The following EME2 variants were observed in gnomAD, a reference collection of about 807,000 sequenced individuals.
EME2 encodes structure-specific endonuclease subunit EME2.
A neutral mutation model predicts 41.9 loss-of-function variants in EME2; 58 were observed. The ratio of observed to expected loss-of-function variants is 1.38; its 90% CI spans 1.12 to 1.72. The LOEUF is 1.72. Ranked by LOEUF, EME2 falls within the 40% of genes most tolerant of loss-of-function variation. EME2 has a pLI of 0.00. For synonymous variants in EME2, 334 were observed against 239.3 expected (o/e 1.40, Z -3.65); for missense variants, 695 against 541.9 (o/e 1.28, Z -2.81).
At chr16:1,773,509 G>C in intron 1 of EME2, 35 bp downstream of exon 1, 2 of 1,568,616 alleles carry the variant, frequency 1.3e-6, no homozygotes, top group South Asian at 1.1e-5. Flanking sequence ...CTCGGGGTAG[G>C]AAAGGCCTTT....
Position 1,781,100 on chromosome 16 carries a change from C to A in EME2, c.*4862C>A, listed in dbSNP as rs1896689864. The A allele has an allele frequency of 1.5e-6, 2 of 1,363,064 alleles. No homozygotes were observed. Among genetic ancestry groups the A allele is most frequent in the Non-Finnish European group, 2.0e-6 (2 of 1,019,612 alleles). The allele number at this position is 1,363,064 out of a possible 1,614,324, so 84.4% of individuals were successfully genotyped here. A position where few individuals can be genotyped will look rare whatever the true frequency, so the allele number is the denominator to read the frequency against. ...CAACCTCTCCATGCACCATGTGTTT[C>A]AGAGGAGAAAGCACAGTGAAGAATG... On this transcript the variant is annotated 3_prime_UTR_variant, in exon 8 of 8. Coordinates refer to ENST00000568449, the MANE Select transcript of EME2 (RefSeq NM_001257370.2).
rs1223193210 is a variant in EME2 at position 1,775,082 on chromosome 16, G to C, written c.519G>C (p.Glu173Asp). Residue 173 changes from glutamate (E) to aspartate (D), a missense_variant, in exon 4 of 8, where the codon GAG becomes GAC. Glu to Asp is a conservative substitution (Grantham distance 45). Transcript: ENST00000568449. ...ACTGGGTGCCCTGGATCTCCCCCGA[G>C]ACCACCGCCCGGCCCCACCTGGCTG... Reference protein sequence around the residue: ...PTHWVPWISPETTARPHLAVI... With the variant: ...PTHWVPWISPDTTARPHLAVI... The C allele has an allele frequency of 9.9e-6, 16 of 1,610,864 alleles. No homozygotes were observed. The Admixed American group carries it at 2.7e-4, about 27-fold the overall frequency.
In EME2 at chr16:1,776,368, C is replaced by A. The variant is rs564906211; in HGVS notation, c.*130C>A. The A allele has an allele frequency of 4.8e-6, 4 of 835,254 alleles. No homozygotes were observed. Among genetic ancestry groups the A allele is most frequent in the South Asian group, 1.7e-5 (1 of 59,448 alleles). The allele number at this position is 835,254 out of a possible 1,614,324, so 51.7% of individuals were successfully genotyped here. A position where few individuals can be genotyped will look rare whatever the true frequency, so the allele number is the denominator to read the frequency against. On this transcript the variant is annotated 3_prime_UTR_variant, in exon 8 of 8. Transcript: ENST00000568449. The stretch of plus-strand genomic sequence containing the variant: ...GGTTCTCTGGCTGAGCAGGTCTGAC[C>A]TCAGGGGAAGGGTGGGTGGTTGCAG...
chr16:1,773,486 G>T lies in EME2; in HGVS notation c.247+12G>T, dbSNP rs769631390. The T allele has an allele frequency of 2.0e-5, 32 of 1,578,776 alleles. No homozygotes were observed. Among genetic ancestry groups the T allele is most frequent in the Non-Finnish European group, 2.5e-5 (29 of 1,171,734 alleles). On this transcript the variant is annotated intron_variant, in intron 1 of 7. Coordinates refer to ENST00000568449, the MANE Select transcript of EME2 (RefSeq NM_001257370.2). ...GTGCGTGGACACAGGTGCGGCGGAG[G>T]GCACGGGCGATACTCGGGGTAGGAA...
At position 1,776,563 on chromosome 16, in the gene EME2, C is replaced by T. The variant is rs2042716228; in HGVS notation, c.*325C>T. On this transcript the variant is annotated 3_prime_UTR_variant, in exon 8 of 8. Coordinates refer to ENST00000568449, the MANE Select transcript of EME2 (RefSeq NM_001257370.2). ...GGACCAGAAGGCAGCTCCAGGGCCC[C>T]ACTGCCACCTGGAGGCTTGGGGTGT... is the stretch of plus-strand genomic sequence containing the variant. The T allele has an allele frequency of 2.8e-6, 1 of 354,980 alleles. No homozygotes were observed. The highest frequency in any genetic ancestry group is 5.0e-5 in the East Asian group (1 of 20,094). 22.0% of individuals were successfully genotyped at this position (354,980 alleles called of 1,614,324 possible). A position where few individuals can be genotyped will look rare whatever the true frequency, so the allele number is the denominator to read the frequency against.
At position 1,781,639 on chromosome 16, in the gene EME2, G is replaced by T; in HGVS notation, c.*5401G>T. 1.2e-6 allele frequency: 1 copy of T among 814,324 alleles called. No homozygotes were observed. The highest frequency in any genetic ancestry group is 1.9e-6 in the Non-Finnish European group (1 of 522,822). The allele number at this position is 814,324 out of a possible 1,614,324, so 50.4% of individuals were successfully genotyped here. A position where few individuals can be genotyped will look rare whatever the true frequency, so the allele number is the denominator to read the frequency against. On this transcript the variant is annotated 3_prime_UTR_variant, in exon 8 of 8. Coordinates refer to ENST00000568449, the MANE Select transcript of EME2 (RefSeq NM_001257370.2). ...GCCAGGGCTCCAGAACGCTTCAGGA[G>T]CCCGTACCTCACTCCAGGATCTGAG...
rs950032640 is a variant in EME2, at chr16:1,780,097, G to T, written c.*3859G>T. ...AGCGCAGGGGAGCTGTGACAGCAGA[G>T]AGCAGCACCAGGTCACACAAGCAGC... On this transcript the variant is annotated 3_prime_UTR_variant, in exon 8 of 8. Coordinates refer to ENST00000568449, the MANE Select transcript of EME2 (RefSeq NM_001257370.2). 2 of 152,496 alleles carry T rather than the reference G, an allele frequency of 1.3e-5. No homozygotes were observed. Among genetic ancestry groups the T allele is most frequent in the African/African-American group, 4.8e-5 (2 of 41,462 alleles). The allele number at this position is 152,496 out of a possible 1,614,324, so 9.4% of individuals were successfully genotyped here.
Position 1,777,053 on chromosome 16 carries a change from A to T in EME2, c.*815A>T. On this transcript the variant is annotated 3_prime_UTR_variant, in exon 8 of 8. Coordinates refer to ENST00000568449, the MANE Select transcript of EME2 (RefSeq NM_001257370.2). ...GACAGAGAAAGAAGGGACAGAGGAA[A>T]GGGGCTGTCCCAGCCCAAGAAGGCA... 6.4e-7 allele frequency: 1 copy of T among 1,570,440 alleles called. No individual in the cohort carries two copies. Among genetic ancestry groups the T allele is most frequent in the East Asian group, 2.2e-5 (1 of 44,540 alleles).
chr16:1,776,263 C>CA lies in EME2; in HGVS notation c.*26dup. ...ACCACACGTGGGACCACCAGGACAG[C>CA]ATGCAGCCTTGGGGACAGACCAGAC... On this transcript the variant is annotated 3_prime_UTR_variant, in exon 8 of 8. Transcript: ENST00000568449. The CA allele has an allele frequency of 6.2e-7, 1 of 1,610,032 alleles. No homozygotes were observed. Among genetic ancestry groups the CA allele is most frequent in the Non-Finnish European group, 8.5e-7 (1 of 1,178,386 alleles).
In EME2 at chr16:1,778,464, C is replaced by T. The variant is rs1194944141; in HGVS notation, c.*2226C>T. On this transcript the variant is annotated 3_prime_UTR_variant, in exon 8 of 8. Coordinates refer to ENST00000568449, the MANE Select transcript of EME2 (RefSeq NM_001257370.2). ...GTCTTCCTCTCCGCAGCGGCAGTCC[C>T]TGCCCCGGTGGGCCGAGTGCAGGCT... 3 of 1,611,268 alleles carry T rather than the reference C, an allele frequency of 1.9e-6. No homozygotes were observed. Among genetic ancestry groups the T allele is most frequent in the South Asian group, 2.2e-5 (2 of 91,034 alleles).
Position 1,775,816 on chromosome 16 carries a change from G to C in EME2, c.799G>C (p.Ala267Pro), listed in dbSNP as rs2141983504. ...CCCCAGGCAGTACCGGGAATCCCAG[G>C]CCTTCTCCTTCTGCACAGCAGGGCG... is the stretch of plus-strand genomic sequence containing the variant. ...YPLKQYRESQ[A>P]FSFCTAGRWA... The change falls in exon 7 of 8, where the codon GCC (alanine) becomes CCC (proline). Residue 267 changes from alanine to proline, a missense_variant. Physicochemically the swap from Ala to Pro is conservative, Grantham distance 27. Coordinates refer to ENST00000568449, the MANE Select transcript of EME2 (RefSeq NM_001257370.2). The C allele has an allele frequency of 6.2e-7, 1 of 1,612,508 alleles. No homozygotes were observed. Among genetic ancestry groups the C allele is most frequent in the Non-Finnish European group, 8.5e-7 (1 of 1,179,812 alleles).
At position 1,776,900 on chromosome 16, in the gene EME2, A is replaced by G. The variant is rs117713814; in HGVS notation, c.*662A>G. The G allele has an allele frequency of 2.5e-5, 16 of 651,318 alleles. No homozygotes were observed. Among genetic ancestry groups the G allele is most frequent in the Non-Finnish European group, 3.6e-5 (14 of 390,920 alleles). The allele number at this position is 651,318 out of a possible 1,614,324, so 40.3% of individuals were successfully genotyped here. ...TGGGGCTCAGGGCAGCCGCTTCCCC[A>G]CCCAGCACAGCAGCAGAGGGGCCCT... On this transcript the variant is annotated 3_prime_UTR_variant, in exon 8 of 8. Coordinates refer to ENST00000568449, the MANE Select transcript of EME2 (RefSeq NM_001257370.2).
Position 1,781,676 on chromosome 16 carries a change from A to C in EME2, c.*5438A>C. On this transcript the variant is annotated 3_prime_UTR_variant, in exon 8 of 8. Coordinates refer to ENST00000568449, the MANE Select transcript of EME2 (RefSeq NM_001257370.2). ...CTCCAGGATCTGAGCAGCTCAATAA[A>C]ACCCAGGTAGATCCTGTGAAACGCC... 1.6e-6 allele frequency: 1 copy of C among 618,396 alleles called. No homozygotes were observed. The allele number at this position is 618,396 out of a possible 1,614,324, so 38.3% of individuals were successfully genotyped here. A position where few individuals can be genotyped will look rare whatever the true frequency, so the allele number is the denominator to read the frequency against.
chr16:1,778,555 C>G lies in EME2; in HGVS notation c.*2317C>G, dbSNP rs755225877. On this transcript the variant is annotated 3_prime_UTR_variant, in exon 8 of 8. Transcript: ENST00000568449. ...AAGGACTCGCCGGTCACGGGCACCG[C>G]ACTGGGGATGGATGGCGGCAGCGTG... The G allele has an allele frequency of 6.2e-7, 1 of 1,603,612 alleles. No individual in the cohort carries two copies. Among genetic ancestry groups the G allele is most frequent in the Non-Finnish European group, 8.5e-7 (1 of 1,173,484 alleles).
Position 1,775,364 on chromosome 16 carries a change from G to A in EME2, c.619G>A (p.Val207Met). 6.2e-7 allele frequency: 1 copy of A among 1,610,436 alleles called. No individual in the cohort carries two copies. Among genetic ancestry groups the A allele is most frequent in the Non-Finnish European group, 8.5e-7 (1 of 1,178,530 alleles). The change falls in exon 5 of 8, where the codon GTG becomes ATG. Residue 207 changes from valine (V) to methionine (M), a missense_variant. By Grantham distance (21) the Val-to-Met change is conservative (BLOSUM62 1). Transcript: ENST00000568449. ...GACACAGCAGCCAGAGAGCCCGAAGGTGGCCGGTGCCGAGGTGGCCGTCAG... is the reference window on the plus strand; with the variant it reads ...GACACAGCAGCCAGAGAGCCCGAAGATGGCCGGTGCCGAGGTGGCCGTCAG... Reference protein sequence around the residue: ...RGTQQPESPKVAGAEVAVSWP... With the variant: ...RGTQQPESPKMAGAEVAVSWP...
rs994323145 is a variant in EME2 at position 1,772,905 on chromosome 16, G to C, written c.-323G>C. Reference sequence around the variant, plus strand: ...GACCAGGCGGCCCAGGCCGAAGAGCGGGAGGCGGCCGAGCAGCTGCAAGAG... The same window carrying C: ...GACCAGGCGGCCCAGGCCGAAGAGCCGGAGGCGGCCGAGCAGCTGCAAGAG... On this transcript the variant is annotated 5_prime_UTR_variant, in exon 1 of 8. Transcript: ENST00000568449. 6.9e-7 allele frequency: 1 copy of C among 1,450,234 alleles called. No homozygotes were observed. Among genetic ancestry groups the C allele is most frequent in the Non-Finnish European group, 9.0e-7 (1 of 1,108,552 alleles). The allele number at this position is 1,450,234 out of a possible 1,614,324, so 89.8% of individuals were successfully genotyped here.
rs748108585 is a variant in EME2 at position 1,776,332 on chromosome 16, C to T, written c.*94C>T. The T allele has an allele frequency of 9.0e-5, 122 of 1,356,530 alleles. No homozygotes were observed. The highest frequency in any genetic ancestry group is 1.2e-4 in the Non-Finnish European group (118 of 971,436). 84.0% of individuals were successfully genotyped at this position (1,356,530 alleles called of 1,614,324 possible). On this transcript the variant is annotated 3_prime_UTR_variant, in exon 8 of 8. Coordinates refer to ENST00000568449, the MANE Select transcript of EME2 (RefSeq NM_001257370.2). ...GGACCCCCAGCCACATGTGGACCCT[C>T]AGCCTGGGTGGGTTCTCTGGCTGAG... is the stretch of plus-strand genomic sequence containing the variant.
In EME2 at chr16:1,778,553, C is replaced by T. The variant is rs780411291; in HGVS notation, c.*2315C>T. On this transcript the variant is annotated 3_prime_UTR_variant, in exon 8 of 8. Transcript: ENST00000568449. ...AGAAGGACTCGCCGGTCACGGGCACCGCACTGGGGATGGATGGCGGCAGCG... is the reference window on the plus strand; with the variant it reads ...AGAAGGACTCGCCGGTCACGGGCACTGCACTGGGGATGGATGGCGGCAGCG... 10 of 1,604,586 alleles carry T rather than the reference C, an allele frequency of 6.2e-6. No homozygotes were observed. The East Asian group carries it at 9.0e-5, about 14-fold the overall frequency.
At position 1,776,157 on chromosome 16, in the gene EME2, GGTGGGGC is replaced by G; in HGVS notation, c.1060_1066del (p.Val354LeufsTer11). ...CCAGTGAAGGCGGGCGTCCCCGCAGGGTGGGGCCTGACCTCTCCCGCCGCATCTGCCT... is the reference window on the plus strand; with the variant it reads ...CCAGTGAAGGCGGGCGTCCCCGCAGGCTGACCTCTCCCGCCGCATCTGCCT... On this transcript the variant is annotated frameshift_variant, in exon 8 of 8. Coordinates refer to ENST00000568449, the MANE Select transcript of EME2 (RefSeq NM_001257370.2). LOFTEE classifies it low-confidence loss of function (END_TRUNC). The G allele has an allele frequency of 6.2e-7, 1 of 1,612,492 alleles. No individual in the cohort carries two copies. The highest frequency in any genetic ancestry group is 1.3e-5 in the African/African-American group (1 of 75,072).
Sources: gnomAD v4.1 joint callset for allele counts on GRCh38, gnomAD v4.1.1 for gene constraint, MANE v1.5 for transcripts, NCBI Gene and HGNC (gene_info 2026-07-23, HGNC 2026-07-21) for gene names.